Variants in ITGAV observed in about 807,000 individuals in gnomAD.
The protein encoded by ITGAV is integrin subunit alpha V, also known as integrin alpha-V.
In ITGAV, 76 loss-of-function variants were observed where a neutral mutation model predicts 143.8. The ratio of observed to expected loss-of-function variants is 0.53; its 90% CI spans 0.44 to 0.64. The LOEUF is 0.64. ITGAV is among the 30% of genes least tolerant of loss of function. The pLI is 0.00. For synonymous variants in ITGAV, 453 were observed against 446.7 expected, an observed-to-expected ratio of 1.01 and a Z score of -0.18; for missense variants, 1,193 against 1,274.7, an observed-to-expected ratio of 0.94 and a Z score of 0.98.
At position 186,667,240 on chromosome 2, in the gene ITGAV, A is replaced by C; in HGVS notation, c.2327+10A>C. On this transcript the variant is annotated intron_variant, in intron 23 of 29. Coordinates refer to ENST00000261023, the MANE Select transcript of ITGAV (RefSeq NM_002210.5). ...CAGTTGAGATAAGAGGGTCAGTATGAATACTTAGTTGAGTATCTCATTCTC... is the reference window on the plus strand; with the variant it reads ...CAGTTGAGATAAGAGGGTCAGTATGCATACTTAGTTGAGTATCTCATTCTC... 1 of 1,583,842 alleles carries C rather than the reference A, an allele frequency of 6.3e-7. No homozygotes were observed. Among genetic ancestry groups the C allele is most frequent in the Non-Finnish European group, 8.7e-7 (1 of 1,154,844 alleles).
At chr2:186,601,400 C>T (rs1248359190) in intron 1 of ITGAV, among the ~76,000 whole-genome samples, 1 of 151,172 alleles carries the variant, frequency 6.6e-6, no homozygotes, top group East Asian at 1.9e-4. Context: ...TTGGAGGTTG[C>T]AGTGAGTTAT....
chr2:186,598,502 A>G (rs903212751), intron 1 of ITGAV, among the ~76,000 whole-genome samples: 6 of 149,956 alleles, frequency 4.0e-5, no homozygotes, highest in Non-Finnish European at 7.4e-5. Flanking sequence ...CAGTGGCGCA[A>G]TCTTGGCTCA....
chr2:186,613,142 G>A (rs1687261492), intron 2 of ITGAV, among the ~76,000 whole-genome samples: 1 of 146,912 alleles, frequency 6.8e-6, no homozygotes, highest in East Asian at 2.0e-4. Context: ...CTTAACATGG[G>A]ATTGGCTTTT....
chr2:186,645,496 G>C (rs1485083541), intron 12 of ITGAV, among the ~76,000 whole-genome samples: 2 of 152,008 alleles, frequency 1.3e-5, no homozygotes, highest in African/African-American at 4.8e-5. Flanking sequence ...GATGGGGAGA[G>C]GAATGAGATT....
intron 4 of ITGAV, 28 bp downstream of exon 4, chr2:186,625,615 T>A: frequency 6.7e-7 from 1 of 1,497,804 alleles, no homozygotes; most frequent in Non-Finnish European, 9.3e-7. Context: ...TACCAGCTTT[T>A]AAGAAGAGGG....
intron 5 of ITGAV, among the ~76,000 whole-genome samples, chr2:186,631,361 G>C (rs1687810029): frequency 6.6e-6 from 1 of 152,052 alleles, no homozygotes; most frequent in Admixed American, 6.6e-5. Flanking sequence ...AATCTCATAG[G>C]CAGGGCTCTA....
At chr2:186,630,909 G>C (rs574674428) in intron 5 of ITGAV, 51 bp downstream of exon 5, 1 of 984,270 alleles carries the variant, frequency 1.0e-6, no homozygotes, top group East Asian at 2.4e-5. Context: ...TTATTGACTA[G>C]ACTGTGGTTA....
intron 29 of ITGAV, 96 bp from the exon 30 acceptor site, chr2:186,677,101 A>T: frequency 7.9e-7 from 1 of 1,267,556 alleles, no homozygotes; most frequent in Non-Finnish European, 1.1e-6. Flanking sequence ...ATGAAATACA[A>T]TTTAAATGTT....
intron 1 of ITGAV, among the ~76,000 whole-genome samples, chr2:186,595,624 G>A (rs1406493220): frequency 6.6e-6 from 1 of 151,160 alleles, no homozygotes; most frequent in African/African-American, 2.4e-5. Flanking sequence ...GCACTTCTTG[G>A]CATGGATGTA....
Position 186,619,852 on chromosome 2 carries a change from CGTGGTGGCGT to C in ITGAV, c.317-2483_317-2474del, listed in dbSNP as rs1687474514. Among the ~76,000 whole-genome samples, 3 of 152,016 alleles carry C rather than the reference CGTGGTGGCGT, an allele frequency of 2.0e-5. No homozygotes were observed. In the South Asian group the frequency reaches 6.2e-4, roughly 32 times the overall value. On this transcript the variant is annotated intron_variant, in intron 2 of 29. Coordinates refer to ENST00000261023, the MANE Select transcript of ITGAV (RefSeq NM_002210.5). The stretch of plus-strand genomic sequence containing the variant: ...CTGAAAGTACAAAAAATTAGCTGGG[CGTGGTGGCGT>C]GTGCCTGTAATCCCAGCTACTTGGG...
intron 14 of ITGAV, among the ~76,000 whole-genome samples, chr2:186,650,442 C>G (rs1688392920): frequency 6.6e-6 from 1 of 152,006 alleles, no homozygotes; most frequent in South Asian, 2.1e-4. Context: ...TGAAGTGATA[C>G]ACCCGTCTCA....
chr2:186,668,216 A>ATATATATATATATATATATATTT (rs1553505692), intron 24 of ITGAV, among the ~76,000 whole-genome samples: 1 of 4,200 alleles, frequency 2.4e-4, no homozygotes, highest in Non-Finnish European at 4.8e-4. Flanking sequence ...ATATATATAT[A>ATATATATATATATATATATATTT]TTTTTTTTTT....
At position 186,654,679 on chromosome 2, in the gene ITGAV, A is replaced by G. The variant is rs748532931; in HGVS notation, c.1535A>G (p.Asp512Gly). ...AATGTTAGGTTCTGCTTAAAGGCAG[A>G]TGGCAAAGGAGTACTTCCCAGGAAA... The part of the protein sequence containing the change: ...CFNVRFCLKA[D>G]GKGVLPRKLN... Residue 512 changes from aspartate to glycine, a missense_variant, in exon 16 of 30, where the codon GAT (aspartate) becomes GGT (glycine). By Grantham distance (94) the Asp-to-Gly change is moderately conservative (BLOSUM62 -1). Transcript: ENST00000261023. 13 of 1,558,976 alleles carry G rather than the reference A, an allele frequency of 8.3e-6. No individual in the cohort carries two copies. The East Asian group carries it at 1.1e-4, about 14-fold the overall frequency.
At chr2:186,651,336 G>T (rs920562689) in intron 14 of ITGAV, among the ~76,000 whole-genome samples, 4 of 152,088 alleles carry the variant, frequency 2.6e-5, no homozygotes, top group African/African-American at 9.7e-5. Context: ...TTAAACCTGT[G>T]TATCTGAACT....
intron 1 of ITGAV, chr2:186,600,066 CA>C (rs755197357): frequency 4.4e-6 from 2 of 454,108 alleles, no homozygotes; most frequent in Non-Finnish European, 7.7e-6. Context: ...TTAAAAAACT[CA>C]GTGGCTTCAA....
chr2:186,640,548 T>C (rs1306629961), intron 10 of ITGAV, among the ~76,000 whole-genome samples: 2 of 152,224 alleles, frequency 1.3e-5, no homozygotes, highest in Non-Finnish European at 2.9e-5. Flanking sequence ...ACTATATATC[T>C]TTGTTAGTGT....
chr2:186,629,908 G>T (rs1687771692), intron 4 of ITGAV, among the ~76,000 whole-genome samples: 1 of 152,020 alleles, frequency 6.6e-6, no homozygotes, highest in Non-Finnish European at 1.5e-5. Flanking sequence ...TATTGCTCAT[G>T]ATTAAAATTA....
chr2:186,644,624 G>A (rs562352458), intron 12 of ITGAV, among the ~76,000 whole-genome samples: 9 of 151,898 alleles, frequency 5.9e-5, no homozygotes, highest in African/African-American at 9.7e-5. Flanking sequence ...GTGCCCAGCC[G>A]ATTTACCTTT....
intron 17 of ITGAV, 126 bp from the exon 18 acceptor site, chr2:186,658,912 C>G (rs930485441): frequency 2.0e-5 from 11 of 562,254 alleles, no homozygotes; most frequent in Non-Finnish European, 3.3e-5. Context: ...GTATAATTTT[C>G]CAGAGAATGT....
Sources: allele counts gnomAD v4.1 joint callset (sites outside exome capture counted in the v4.1 genomes callset), GRCh38; gene constraint gnomAD v4.1.1; transcripts MANE v1.5; gene names NCBI Gene and HGNC (gene_info 2026-07-23, HGNC 2026-07-21).